Variants in EPHB1 observed in about 807,000 individuals in gnomAD.
The protein encoded by EPHB1 is EPH receptor B1.
Under a neutral mutation model 94.4 loss-of-function variants are expected in EPHB1, and 30 were observed. That is an observed-to-expected ratio of 0.32 (90% CI 0.24 to 0.43). The LOEUF (loss-of-function observed/expected upper bound fraction) is 0.43. EPHB1 is among the 20% of genes least tolerant of loss of function. The pLI is 1.00. For missense variants in EPHB1, 1,055 were observed against 1,308.3 expected (o/e 0.81, Z 2.99); for synonymous variants, 522 against 489.1 (o/e 1.07, Z -0.89).
intron 10 of EPHB1, among the ~76,000 whole-genome samples, chr3:135,180,775 A>G (rs1174646716): frequency 6.6e-6 from 1 of 152,208 alleles, no homozygotes; most frequent in Non-Finnish European, 1.5e-5. Flanking sequence ...AAAAATCACT[A>G]AAAGAAATCT....
intron 3 of EPHB1, among the ~76,000 whole-genome samples, chr3:134,958,623 C>A (rs1933379756): frequency 6.6e-6 from 1 of 152,204 alleles, no homozygotes; most frequent in Admixed American, 6.5e-5. Flanking sequence ...ATTAACACCG[C>A]AGCCCTGTAA....
chr3:134,972,691 A>G (rs1222852487), intron 3 of EPHB1, among the ~76,000 whole-genome samples: 1 of 151,952 alleles, frequency 6.6e-6, no homozygotes, highest in Non-Finnish European at 1.5e-5. Context: ...GTGTTATGCT[A>G]CAAGAAGAGA....
At chr3:135,018,880 A>G (rs1397593654) in intron 3 of EPHB1, among the ~76,000 whole-genome samples, 2 of 152,146 alleles carry the variant, frequency 1.3e-5, no homozygotes, top group Non-Finnish European at 2.9e-5. Flanking sequence ...TGATGGTCTC[A>G]TTTACTCCTC....
intron 12 of EPHB1, among the ~76,000 whole-genome samples, chr3:135,224,101 T>G (rs1943335964): frequency 6.6e-6 from 1 of 152,244 alleles, no homozygotes; most frequent in Non-Finnish European, 1.5e-5. Context: ...AACAGTATTC[T>G]TCATAGTACC....
chr3:134,894,278 C>A (rs1031428731), intron 1 of EPHB1, among the ~76,000 whole-genome samples: 2 of 152,156 alleles, frequency 1.3e-5, no homozygotes, highest in Non-Finnish European at 2.9e-5. Flanking sequence ...CGGAGTTCAG[C>A]ATGGTGTGGC....
At chr3:134,836,048 T>G (rs1423589549) in intron 1 of EPHB1, among the ~76,000 whole-genome samples, 1 of 152,178 alleles carries the variant, frequency 6.6e-6, no homozygotes, top group East Asian at 1.9e-4. Flanking sequence ...GACACTCCAT[T>G]TGACGGCAGA....
chr3:135,073,522 T>C (rs1375876310), intron 3 of EPHB1, among the ~76,000 whole-genome samples: 1 of 152,202 alleles, frequency 6.6e-6, no homozygotes, highest in Non-Finnish European at 1.5e-5. Context: ...AGTAAATATT[T>C]CAGAGCATAT....
At position 135,126,320 on chromosome 3, in the gene EPHB1, C is replaced by A. The variant is rs138863198; in HGVS notation, c.962-6394C>A. On this transcript the variant is annotated intron_variant, in intron 4 of 15. Transcript: ENST00000398015. ...CCTAGGAGTCTTGAGTATCAAGTGT[C>A]CTTCCTGGCTTATTCCCAGACCCCA... Among the ~76,000 whole-genome samples, 1,507 of 152,256 alleles carry A rather than the reference C, an allele frequency of 9.9e-3. 13 individuals are homozygous for A. The highest frequency in any genetic ancestry group is 0.02 in the Middle Eastern group (6 of 294).
chr3:134,826,735 G>A (rs2036485910), intron 1 of EPHB1, among the ~76,000 whole-genome samples: 1 of 152,172 alleles, frequency 6.6e-6, no homozygotes, highest in Non-Finnish European at 1.5e-5. Context: ...AAAGTAGTTT[G>A]TAGAGCTCAT....
intron 3 of EPHB1, among the ~76,000 whole-genome samples, chr3:134,955,806 C>CATTT (rs1208624765): frequency 4.6e-5 from 7 of 152,226 alleles, no homozygotes; most frequent in African/African-American, 1.7e-4. Context: ...CCTCATCATG[C>CATTT]ATTTGTCTTT....
chr3:135,054,493 C>T (rs2107773457), intron 3 of EPHB1, among the ~76,000 whole-genome samples: 1 of 152,264 alleles, frequency 6.6e-6, no homozygotes, highest in East Asian at 1.9e-4. Context: ...CTTCACTCTG[C>T]CCTTGTAGGC....
intron 1 of EPHB1, among the ~76,000 whole-genome samples, chr3:134,923,416 C>A (rs140682410): frequency 6.6e-5 from 10 of 152,288 alleles, no homozygotes; most frequent in African/African-American, 2.4e-4. Flanking sequence ...CCCACCTGAA[C>A]CCTGCTTATA....
At chr3:135,151,143 T>C (rs1444245697) in intron 5 of EPHB1, among the ~76,000 whole-genome samples, 2 of 152,236 alleles carry the variant, frequency 1.3e-5, no homozygotes, top group African/African-American at 4.8e-5. Flanking sequence ...TTCCTGCTTT[T>C]ACATGGCCCC....
chr3:134,990,716 A>C (rs1280394389), intron 3 of EPHB1, among the ~76,000 whole-genome samples: 1 of 152,172 alleles, frequency 6.6e-6, no homozygotes, highest in Non-Finnish European at 1.5e-5. Context: ...TTATCTCTAG[A>C]TTACTTGTGG....
At chr3:134,896,603 C>T (rs1212093559) in intron 1 of EPHB1, among the ~76,000 whole-genome samples, 2 of 152,226 alleles carry the variant, frequency 1.3e-5, no homozygotes, top group African/African-American at 4.8e-5. Flanking sequence ...GCTCCTTCAT[C>T]GATGGCCCCA....
chr3:135,079,980 T>A (rs1239789153), intron 3 of EPHB1, among the ~76,000 whole-genome samples: 2 of 151,970 alleles, frequency 1.3e-5, no homozygotes, highest in Admixed American at 6.6e-5. Context: ...GACGAAGAGG[T>A]GTGACAGTGC....
rs1476055851 is a variant in EPHB1, at chr3:134,951,487, G to A, written c.240G>A (p.Arg80=). 5.6e-6 allele frequency: 9 copies of A among 1,613,216 alleles called. No individual in the cohort carries two copies. The Admixed American group carries it at 1.5e-4, about 27-fold the overall frequency. The change falls in exon 3 of 16, where the codon CGG becomes CGA. Residue 80 remains arginine (R), a synonymous_variant. Transcript: ENST00000398015. The surrounding 1 kb of genome is among the most constrained non-coding windows in gnomAD (Gnocchi z 4.5). ...NWLLTTFINR[R]GAHRIYTEMR... is the part of the protein sequence containing the mutation. ...TGCTCACCACCTTCATCAACCGGCG[G>A]GGGGCCCATCGCATCTACACAGAGA...
intron 1 of EPHB1, among the ~76,000 whole-genome samples, chr3:134,914,557 G>T (rs536868371): frequency 6.6e-6 from 1 of 152,254 alleles, no homozygotes; most frequent in East Asian, 1.9e-4. Flanking sequence ...TTGTGTGGGG[G>T]ACTACAGGAC....
chr3:135,176,649 G>T (rs368789830), intron 9 of EPHB1, among the ~76,000 whole-genome samples: 1 of 152,128 alleles, frequency 6.6e-6, no homozygotes, highest in Non-Finnish European at 1.5e-5. Context: ...ACTTATTTGC[G>T]CATTACTGGC....
Sources: gnomAD v4.1 joint callset for allele counts (sites outside exome capture counted in the v4.1 genomes callset) on GRCh38, gnomAD v4.1.1 for gene constraint, Gnocchi (gnomAD v3.1) non-coding constraint, MANE v1.5 for transcripts, NCBI Gene and HGNC (gene_info 2026-07-23, HGNC 2026-07-21) for gene names.